ITGBL1: variants seen among roughly 807,000 people sequenced by gnomAD.
ITGBL1 encodes integrin beta-like protein 1.
In ITGBL1, 51 loss-of-function variants were observed where a neutral mutation model predicts 68.5. The observed-to-expected ratio is 0.74, with a 90% CI of 0.59 to 0.94. The LOEUF is 0.94. Ranked by LOEUF, ITGBL1 falls within the 40% of genes least tolerant of loss-of-function variation. The pLI, the probability that ITGBL1 is intolerant of heterozygous loss-of-function variation, is 0.00. For synonymous variants in ITGBL1, 209 were observed against 227.3 expected (o/e 0.92, Z 0.72); for missense variants, 649 against 647.4 (o/e 1.00, Z -0.03).
chr13:101,606,310 A>G (rs925586163), intron 7 of ITGBL1, among the ~76,000 whole-genome samples: 2 of 151,108 alleles, frequency 1.3e-5, no homozygotes, highest in Non-Finnish European at 3.0e-5. Context: ...AATAACTTAG[A>G]TGATGTCTTA....
At chr13:101,702,274 A>G (rs1440106916) in intron 8 of ITGBL1, among the ~76,000 whole-genome samples, 1 of 152,074 alleles carries the variant, frequency 6.6e-6, no homozygotes, top group Admixed American at 6.5e-5. Context: ...CTGGCCTAAT[A>G]TTTATCAATT....
chr13:101,498,583 G>GA (rs1329826172), intron 2 of ITGBL1, among the ~76,000 whole-genome samples: 1 of 152,036 alleles, frequency 6.6e-6, no homozygotes, highest in South Asian at 2.1e-4. Flanking sequence ...ATTTTATGAA[G>GA]AAAAAATAGG....
At chr13:101,647,073 A>G (rs546076317) in intron 7 of ITGBL1, among the ~76,000 whole-genome samples, 15 of 152,226 alleles carry the variant, frequency 9.9e-5, no homozygotes, top group African/African-American at 3.1e-4. Context: ...CAGTGAATCT[A>G]TATTTGTTCA....
chr13:101,594,658 G>C (rs2050712759), intron 6 of ITGBL1, among the ~76,000 whole-genome samples: 1 of 152,124 alleles, frequency 6.6e-6, no homozygotes, highest in Admixed American at 6.6e-5. Context: ...TCTGGAATGA[G>C]AGAAAATATT....
intron 7 of ITGBL1, among the ~76,000 whole-genome samples, chr13:101,655,741 G>A (rs1416050191): frequency 6.6e-6 from 1 of 152,288 alleles, no homozygotes; most frequent in East Asian, 1.9e-4. Flanking sequence ...TAGTACCTGA[G>A]CTGATCGTAT....
chr13:101,529,608 T>C (rs1172686882), intron 2 of ITGBL1, among the ~76,000 whole-genome samples: 2 of 152,198 alleles, frequency 1.3e-5, no homozygotes, highest in African/African-American at 4.8e-5. Flanking sequence ...CCACCTTGAA[T>C]TGTAATCCCC....
Position 101,664,360 on chromosome 13 carries a change from G to T in ITGBL1, c.1016-28225G>T, listed in dbSNP as rs571592763. ...TTCCATAATGAACAATAGTCAAAAT[G>T]TATTATTTTGGGAAATCTTGAATCA... is the stretch of plus-strand genomic sequence containing the variant. On this transcript the variant is annotated intron_variant, in intron 7 of 10. Transcript: ENST00000376180. 3.9e-5 allele frequency among the ~76,000 whole-genome samples: 6 copies of T among 152,224 alleles called. No homozygotes were observed. In the South Asian group the frequency reaches 1.0e-3, roughly 26 times the overall value.
intron 2 of ITGBL1, among the ~76,000 whole-genome samples, chr13:101,488,332 ACT>A (rs559146090): frequency 1.2e-3 from 180 of 152,216 alleles, no homozygotes; most frequent in African/African-American, 3.6e-3. Flanking sequence ...CATTTAACTG[ACT>A]CTCTATAATG....
At chr13:101,606,451 A>G (rs1307345954) in intron 7 of ITGBL1, among the ~76,000 whole-genome samples, 1 of 151,694 alleles carries the variant, frequency 6.6e-6, no homozygotes, top group Non-Finnish European at 1.5e-5. Context: ...TCCTGGGAGT[A>G]AAGGTGGGAA....
chr13:101,649,109 A>C (rs1411180762), intron 7 of ITGBL1, among the ~76,000 whole-genome samples: 5 of 152,172 alleles, frequency 3.3e-5, no homozygotes, highest in Admixed American at 3.3e-4. Context: ...AGAAATTGGT[A>C]ATTTTAGTTT....
intron 2 of ITGBL1, among the ~76,000 whole-genome samples, chr13:101,504,278 G>A (rs1346566803): frequency 6.6e-6 from 1 of 152,092 alleles, no homozygotes; most frequent in Non-Finnish European, 1.5e-5. Flanking sequence ...TGCTACCAGA[G>A]ATACAAAGTA....
At chr13:101,499,061 G>A (rs980790262) in intron 2 of ITGBL1, among the ~76,000 whole-genome samples, 2 of 152,074 alleles carry the variant, frequency 1.3e-5, no homozygotes, top group African/African-American at 4.8e-5. Context: ...GGGAATTAGG[G>A]GAGCTACAAC....
At chr13:101,569,025 A>ACACAC (rs2050227306) in intron 3 of ITGBL1, among the ~76,000 whole-genome samples, 27 of 103,724 alleles carry the variant, frequency 2.6e-4, no homozygotes, top group East Asian at 1.3e-3. Context: ...CACCCCTCCA[A>ACACAC]ACACACACAC....
At chr13:101,655,318 A>AT (rs1217089284) in intron 7 of ITGBL1, among the ~76,000 whole-genome samples, 1 of 152,212 alleles carries the variant, frequency 6.6e-6, no homozygotes, top group African/African-American at 2.4e-5. Context: ...GAGTGGACAT[A>AT]TTGCAAAAAG....
intron 7 of ITGBL1, among the ~76,000 whole-genome samples, chr13:101,604,887 T>TATATACACACAC: frequency 7.2e-4 from 16 of 22,156 alleles, no homozygotes; most frequent in Middle Eastern, 0.083. Context: ...TATATATATA[T>TATATACACACAC]ACACACACAC....
chr13:101,657,873 G>A (rs1024413846), intron 7 of ITGBL1, among the ~76,000 whole-genome samples: 1 of 152,168 alleles, frequency 6.6e-6, no homozygotes, highest in Non-Finnish European at 1.5e-5. Flanking sequence ...GGCAGAGCAA[G>A]GGTCCCCAGC....
chr13:101,564,650 T>C (rs1566733840), intron 2 of ITGBL1, among the ~76,000 whole-genome samples: 1 of 149,684 alleles, frequency 6.7e-6, no homozygotes, highest in East Asian at 2.0e-4. Flanking sequence ...TATATACATA[T>C]ATATGACAAT....
At chr13:101,681,805 G>T (rs549672149) in intron 7 of ITGBL1, among the ~76,000 whole-genome samples, 3 of 151,804 alleles carry the variant, frequency 2.0e-5, no homozygotes, top group Admixed American at 6.6e-5. Context: ...TGTGTGTGTG[G>T]GTGTGCGCAT....
chr13:101,673,813 C>T (rs899331437), intron 7 of ITGBL1, among the ~76,000 whole-genome samples: 6 of 152,146 alleles, frequency 3.9e-5, no homozygotes, highest in African/African-American at 9.7e-5. Flanking sequence ...GACTTAACAA[C>T]GAACACTCCC....
Sources: gnomAD v4.1 joint callset for allele counts (sites outside exome capture counted in the v4.1 genomes callset) on GRCh38, gnomAD v4.1.1 for gene constraint, MANE v1.5 for transcripts, NCBI Gene and HGNC (gene_info 2026-07-23, HGNC 2026-07-21) for gene names.